NRDE2: variants seen among roughly 807,000 people sequenced by gnomAD.
The protein encoded by NRDE2 is nuclear exosome regulator NRDE2.
A neutral mutation model predicts 124.2 loss-of-function variants in NRDE2; 76 were observed. The ratio of observed to expected loss-of-function variants is 0.61; its 90% CI spans 0.51 to 0.74. The LOEUF is 0.74. Ranked by LOEUF, NRDE2 falls within the 30% of genes least tolerant of loss-of-function variation. NRDE2 has a pLI of 0.00. For missense variants in NRDE2, 1,314 were observed against 1,417.3 expected (o/e 0.93, Z 1.17); for synonymous variants, 489 against 528.1 (o/e 0.93, Z 1.01).
intron 3 of NRDE2, among the ~76,000 whole-genome samples, chr14:90,315,743 G>A (rs1400665085): frequency 2.0e-5 from 3 of 151,844 alleles, no homozygotes; most frequent in Non-Finnish European, 4.4e-5. Flanking sequence ...ATCACCTGAG[G>A]TCAGGAGTTC....
intron 3 of NRDE2, among the ~76,000 whole-genome samples, chr14:90,314,083 G>C (rs1181255667): frequency 6.6e-6 from 1 of 152,230 alleles, no homozygotes; most frequent in African/African-American, 2.4e-5. Context: ...TCCCCTCGGC[G>C]GTACTGAGCT....
intron 1 of NRDE2, among the ~76,000 whole-genome samples, chr14:90,329,002 C>T (rs1318414132): frequency 6.6e-6 from 1 of 152,106 alleles, no homozygotes; most frequent in East Asian, 1.9e-4. Flanking sequence ...TGAAAATGAC[C>T]AGAAAAGAAT....
At position 90,269,789 on chromosome 14, in the gene NRDE2, C is replaced by T. The variant is rs188546207; in HGVS notation, c.*8547G>A. On this transcript the variant is annotated 3_prime_UTR_variant, in exon 14 of 14. Transcript: ENST00000354366. ...TTGTCTTTTCTTTTCCATAACATTC[C>T]CTTTTTAGCCTCAAGAACTTGCTGC... 2.9e-3 allele frequency: 1,270 copies of T among 430,728 alleles called. 6 individuals carry two copies. The highest frequency in any genetic ancestry group is 4.2e-3 in the Non-Finnish European group (1,022 of 246,258). 26.7% of individuals were successfully genotyped at this position (430,728 alleles called of 1,614,324 possible). A position where few individuals can be genotyped will look rare whatever the true frequency, so the allele number is the denominator to read the frequency against.
At chr14:90,302,656 T>G in intron 6 of NRDE2, 64 bp downstream of exon 6, 2 of 1,438,148 alleles carry the variant, frequency 1.4e-6, no homozygotes, top group Non-Finnish European at 1.9e-6. Context: ...AGATCTTCAT[T>G]TTCAAGTAAA....
chr14:90,283,940 T>C (rs1219732080), intron 12 of NRDE2, among the ~76,000 whole-genome samples: 1 of 152,138 alleles, frequency 6.6e-6, no homozygotes, highest in African/African-American at 2.4e-5. Flanking sequence ...CTCAATCTCC[T>C]GACCTCGTGA....
At chr14:90,311,477 T>G (rs547943953) in intron 4 of NRDE2, among the ~76,000 whole-genome samples, 1 of 152,304 alleles carries the variant, frequency 6.6e-6, no homozygotes, top group African/African-American at 2.4e-5. Context: ...CGAGATCTGA[T>G]GGTTTTATAA....
rs533874068 is a variant in NRDE2 at position 90,288,799 on chromosome 14, T to A, written c.2576A>T (p.Tyr859Phe). 6.2e-7 allele frequency: 1 copy of A among 1,614,102 alleles called. No individual in the cohort carries two copies. The highest frequency in any genetic ancestry group is 8.5e-7 in the Non-Finnish European group (1 of 1,180,016). ...CAACACCTGTCCAGTGTAGGGCCCA[T>A]AGGGGCTGCTCTCAGTCAGCTTGGT... is the stretch of plus-strand genomic sequence containing the variant. ...ILTKLTESSP[Y>F]GPYTGQVLAV... Residue 859 changes from tyrosine to phenylalanine, a missense_variant, in exon 11 of 14, where the codon TAT (tyrosine) becomes TTT (phenylalanine). Coordinates refer to ENST00000354366, the MANE Select transcript of NRDE2 (RefSeq NM_017970.4).
At chr14:90,318,238 G>T in intron 1 of NRDE2, 125 bp from the exon 2 acceptor site, 1 of 699,436 alleles carries the variant, frequency 1.4e-6, no homozygotes, top group Non-Finnish European at 2.4e-6. Flanking sequence ...GTTTTGAACA[G>T]TCAGTCCAAA....
rs191855767 is a variant in NRDE2 at position 90,290,001 on chromosome 14, G to A, written c.2229+220C>T. 2.0e-5 allele frequency among the ~76,000 whole-genome samples: 3 copies of A among 152,270 alleles called. No homozygotes were observed. The East Asian group carries it at 5.8e-4, about 29-fold the overall frequency. On this transcript the variant is annotated intron_variant, in intron 10 of 13. Coordinates refer to ENST00000354366, the MANE Select transcript of NRDE2 (RefSeq NM_017970.4). ...GTAGTGCAAGATAATACAATAAACA[G>A]CTCGAGAGTCACTGAGGTAGCCTGA... is the stretch of plus-strand genomic sequence containing the variant.
intron 5 of NRDE2, among the ~76,000 whole-genome samples, 194 bp from the exon 6 acceptor site, chr14:90,303,319 T>TA (rs1453548088): frequency 2.6e-5 from 4 of 152,246 alleles, no homozygotes; most frequent in African/African-American, 7.2e-5. Context: ...ATTTATCACT[T>TA]AATTATCCAC....
intron 8 of NRDE2, among the ~76,000 whole-genome samples, chr14:90,297,512 T>C (rs1233795750): frequency 6.6e-6 from 1 of 152,210 alleles, no homozygotes; most frequent in African/African-American, 2.4e-5. Flanking sequence ...TTGGGGGTCA[T>C]TTAGAGTGAC....
At chr14:90,301,974 T>A (rs1332463217) in intron 6 of NRDE2, among the ~76,000 whole-genome samples, 1 of 152,262 alleles carries the variant, frequency 6.6e-6, no homozygotes, top group Non-Finnish European at 1.5e-5. Context: ...TGTATTTCTA[T>A]CTTTAGATGC....
At chr14:90,289,283 T>C (rs946430130) in intron 10 of NRDE2, 138 bp from the exon 11 acceptor site, 171 of 669,964 alleles carry the variant, frequency 2.6e-4, no homozygotes, top group South Asian at 1.6e-3. Context: ...ACACTGAGGC[T>C]CTCTGAGCTG....
chr14:90,305,974 T>C (rs1162982760), intron 4 of NRDE2, among the ~76,000 whole-genome samples: 1 of 152,230 alleles, frequency 6.6e-6, no homozygotes, highest in East Asian at 1.9e-4. Flanking sequence ...GGGGGTTGTT[T>C]ATTGATCTGC....
intron 4 of NRDE2, 42 bp from the exon 5 acceptor site, chr14:90,304,424 G>C: frequency 6.9e-7 from 1 of 1,454,472 alleles, no homozygotes. Context: ...GGGAATACGT[G>C]TACTACCTCT....
chr14:90,304,263 T>C lies in NRDE2; in HGVS notation c.677A>G (p.Lys226Arg). Reference sequence around the variant, plus strand: ...GATGTTCATTAATCCCACACTCTTCTTAGTAAAATAGCGTTCAACCTGCTT... The same window carrying C: ...GATGTTCATTAATCCCACACTCTTCCTAGTAAAATAGCGTTCAACCTGCTT... ...SRKQVERYFT[K>R]KSVGLMNIDG... Residue 226 changes from lysine to arginine, a missense_variant, in exon 5 of 14, where the codon AAG (lysine) becomes AGG (arginine). Transcript: ENST00000354366. 6.2e-7 allele frequency: 1 copy of C among 1,614,190 alleles called. No individual in the cohort carries two copies. Among genetic ancestry groups the C allele is most frequent in the Non-Finnish European group, 8.5e-7 (1 of 1,180,030 alleles).
In NRDE2 at chr14:90,268,751, A is replaced by G. The variant is rs2139650362; in HGVS notation, c.*9585T>C. On this transcript the variant is annotated 3_prime_UTR_variant, in exon 14 of 14. Coordinates refer to ENST00000354366, the MANE Select transcript of NRDE2 (RefSeq NM_017970.4). ...GATCAGATACCAAACATGGAAACAG[A>G]ATAAATGATACAATTTCAGACACAG... 4.7e-6 allele frequency: 1 copy of G among 214,868 alleles called. No individual in the cohort carries two copies. The highest frequency in any genetic ancestry group is 5.4e-5 in the Admixed American group (1 of 18,570). 13.3% of individuals were successfully genotyped at this position (214,868 alleles called of 1,614,324 possible).
chr14:90,319,748 TTTC>T lies in NRDE2; in HGVS notation c.65-1638_65-1636del, dbSNP rs143216237. ...CATTAGTTGATGAACACTTGGGTTA[TTTC>T]TTCTTTTTAGCTAATATGAATACTA... On this transcript the variant is annotated intron_variant, in intron 1 of 13. Transcript: ENST00000354366. 8.7e-4 allele frequency among the ~76,000 whole-genome samples: 132 copies of T among 152,362 alleles called. 1 individual carries two copies. The highest frequency in any genetic ancestry group is 5.7e-4 in the Non-Finnish European group (39 of 68,036).
chr14:90,273,525 T>C lies in NRDE2; in HGVS notation c.*4811A>G, dbSNP rs7146385. ...GTGAGCCAAGATCCCGTCACTGCAC[T>C]CCAGCCTGGGCGACAGAGCAAGACT... On this transcript the variant is annotated 3_prime_UTR_variant, in exon 14 of 14. Coordinates refer to ENST00000354366, the MANE Select transcript of NRDE2 (RefSeq NM_017970.4). 95,258 of 152,028 alleles carry C rather than the reference T, an allele frequency of 0.63. 30,740 individuals are homozygous for C. The highest frequency in any genetic ancestry group is 0.71 in the East Asian group (3,639 of 5,156). 9.4% of individuals were successfully genotyped at this position (152,028 alleles called of 1,614,324 possible).
Sources: gnomAD v4.1 joint callset for allele counts (sites outside exome capture counted in the v4.1 genomes callset) on GRCh38, gnomAD v4.1.1 for gene constraint, MANE v1.5 for transcripts, NCBI Gene and HGNC (gene_info 2026-07-23, HGNC 2026-07-21) for gene names.